The following PPP1R9A variants were observed in gnomAD, a reference collection of about 807,000 sequenced individuals.
PPP1R9A encodes the protein protein phosphatase 1 regulatory subunit 9A.
In PPP1R9A, 59 loss-of-function variants were observed where a neutral mutation model predicts 141.9. That is an observed-to-expected ratio of 0.42 (90% CI 0.34 to 0.52). The LOEUF (loss-of-function observed/expected upper bound fraction) is 0.52, where lower values mean the gene tolerates loss of function less well. PPP1R9A is among the 20% of genes least tolerant of loss of function. PPP1R9A has a pLI of 0.10. For synonymous variants in PPP1R9A, 500 were observed against 569.7 expected (o/e 0.88, Z 1.74); for missense variants, 1,444 against 1,611.9 (o/e 0.90, Z 1.78).
At chr7:95,272,896 A>G (rs1802431263) in intron 14 of PPP1R9A, among the ~76,000 whole-genome samples, 1 of 152,224 alleles carries the variant, frequency 6.6e-6, no homozygotes. Context: ...GATACCAAAA[A>G]AGAACTGGGG....
intron 2 of PPP1R9A, among the ~76,000 whole-genome samples, chr7:94,991,715 G>A (rs1025250790): frequency 1.3e-5 from 2 of 152,048 alleles, no homozygotes; most frequent in Admixed American, 6.5e-5. Flanking sequence ...GCAGTGGCGT[G>A]GTCATGGCTC....
intron 4 of PPP1R9A, among the ~76,000 whole-genome samples, chr7:95,149,013 A>ATC (rs1828160116): frequency 6.6e-6 from 1 of 150,472 alleles, no homozygotes; most frequent in African/African-American, 2.4e-5. Context: ...ATATTAACAA[A>ATC]TCGAGTCCAA....
In PPP1R9A at chr7:95,284,465, A is replaced by T; in HGVS notation, c.3609+135A>T. 7 of 897,426 alleles carry T rather than the reference A, an allele frequency of 7.8e-6. No homozygotes were observed. The South Asian group carries it at 1.3e-4, about 17-fold the overall frequency. The allele number at this position is 897,426 out of a possible 1,614,324, so 55.6% of individuals were successfully genotyped here. A position where few individuals can be genotyped will look rare whatever the true frequency, so the allele number is the denominator to read the frequency against. On this transcript the variant is annotated intron_variant, in intron 17 of 19. Transcript: ENST00000433360. ...CTTTGATTTGCCTATCTTTTCACAT[A>T]TTGCTATTTAATCTCAGTTTGACAG...
chr7:95,194,226 A>T (rs1461428898), intron 5 of PPP1R9A, among the ~76,000 whole-genome samples: 1 of 152,062 alleles, frequency 6.6e-6, no homozygotes, highest in African/African-American at 2.4e-5. Flanking sequence ...ACATTTAAAA[A>T]TTTACCAAAA....
At chr7:94,918,544 T>A (rs1792371980) in intron 2 of PPP1R9A, among the ~76,000 whole-genome samples, 1 of 152,076 alleles carries the variant, frequency 6.6e-6, no homozygotes, top group African/African-American at 2.4e-5. Context: ...ATTCAGTGGT[T>A]TTTAGTATAT....
At chr7:95,051,438 T>C (rs1472416682) in intron 2 of PPP1R9A, among the ~76,000 whole-genome samples, 1 of 152,188 alleles carries the variant, frequency 6.6e-6, no homozygotes, top group Non-Finnish European at 1.5e-5. Context: ...GTTCTTCTCC[T>C]TCAGTATTGT....
chr7:95,085,710 C>T (rs1816535334), intron 2 of PPP1R9A, among the ~76,000 whole-genome samples: 1 of 151,968 alleles, frequency 6.6e-6, no homozygotes, highest in African/African-American at 2.4e-5. Context: ...CCACTGCACC[C>T]AGCCCAAAAA....
At chr7:95,045,570 C>G (rs531442374) in intron 2 of PPP1R9A, among the ~76,000 whole-genome samples, 1 of 152,204 alleles carries the variant, frequency 6.6e-6, no homozygotes, top group Non-Finnish European at 1.5e-5. Context: ...TGCACATGCC[C>G]AAGCCTACTT....
At chr7:95,216,247 G>C (rs369799997) in intron 7 of PPP1R9A, among the ~76,000 whole-genome samples, 2 of 152,072 alleles carry the variant, frequency 1.3e-5, no homozygotes, top group Non-Finnish European at 2.9e-5. Context: ...GCTTGTTTTT[G>C]TCAGGTTTAT....
At chr7:95,072,844 TATATAATATAAGTTATATA>T (rs1814147310) in intron 2 of PPP1R9A, among the ~76,000 whole-genome samples, 1 of 52,266 alleles carries the variant, frequency 1.9e-5, no homozygotes, top group South Asian at 3.8e-4. Flanking sequence ...ATAATTATTA[TATATAATATAAGTTATATA>T]ATATAATATA....
intron 10 of PPP1R9A, among the ~76,000 whole-genome samples, chr7:95,251,058 G>T (rs1254969441): frequency 6.6e-6 from 1 of 152,030 alleles, no homozygotes; most frequent in East Asian, 1.9e-4. Flanking sequence ...CCTATTATGT[G>T]GAAGAATGTT....
At chr7:95,094,539 G>C (rs1817766731) in intron 2 of PPP1R9A, among the ~76,000 whole-genome samples, 1 of 152,074 alleles carries the variant, frequency 6.6e-6, no homozygotes, top group Non-Finnish European at 1.5e-5. Context: ...AGGAATCTTA[G>C]TGTGCAGAGG....
chr7:95,162,691 A>G (rs939183979), intron 5 of PPP1R9A, among the ~76,000 whole-genome samples: 1 of 152,218 alleles, frequency 6.6e-6, no homozygotes, highest in Non-Finnish European at 1.5e-5. Context: ...TAGTATGTGT[A>G]ATGATGAAAA....
intron 8 of PPP1R9A, among the ~76,000 whole-genome samples, chr7:95,245,233 T>G (rs1418280968): frequency 1.3e-5 from 2 of 152,194 alleles, no homozygotes; most frequent in Non-Finnish European, 2.9e-5. Context: ...GTTATTAGTT[T>G]ATACTGGTGG....
At chr7:95,028,966 A>C (rs1223761972) in intron 2 of PPP1R9A, among the ~76,000 whole-genome samples, 1 of 152,166 alleles carries the variant, frequency 6.6e-6, no homozygotes, top group African/African-American at 2.4e-5. Context: ...CTCAGAAGAA[A>C]TTCTCAGAAG....
At chr7:95,053,281 A>C (rs1811058905) in intron 2 of PPP1R9A, among the ~76,000 whole-genome samples, 1 of 152,212 alleles carries the variant, frequency 6.6e-6, no homozygotes, top group Non-Finnish European at 1.5e-5. Flanking sequence ...GAAATGGGTT[A>C]TGGCTTTCAT....
chr7:95,287,587 G>C (rs1054911971), intron 18 of PPP1R9A, among the ~76,000 whole-genome samples: 1 of 152,154 alleles, frequency 6.6e-6, no homozygotes, highest in East Asian at 1.9e-4. Context: ...AGTGGACAGA[G>C]CCAGAAATTT....
rs1489501266 is a variant in PPP1R9A at position 95,252,145 on chromosome 7, AC to A, written c.2665+17del. 1.3e-6 allele frequency: 2 copies of A among 1,545,464 alleles called. No individual in the cohort carries two copies. Among genetic ancestry groups the A allele is most frequent in the Admixed American group, 4.5e-5 (2 of 44,766 alleles). Reference sequence around the variant, plus strand: ...CCTAAGTCAAGGTTTGTTTAACCCAACCACAAAAATCATTTTTGATGACTGT... The same window carrying A: ...CCTAAGTCAAGGTTTGTTTAACCCAACACAAAAATCATTTTTGATGACTGT... On this transcript the variant is annotated intron_variant, in intron 12 of 19. Coordinates refer to ENST00000433360, the MANE Select transcript of PPP1R9A (RefSeq NM_001166160.2).
At chr7:95,282,717 TC>T (rs1804510828) in intron 16 of PPP1R9A, among the ~76,000 whole-genome samples, 1 of 152,096 alleles carries the variant, frequency 6.6e-6, no homozygotes, top group African/African-American at 2.4e-5. Context: ...GACATCTGGT[TC>T]CCCCAGCATG....
Sources: gnomAD v4.1 joint callset for allele counts (sites outside exome capture counted in the v4.1 genomes callset) on GRCh38, gnomAD v4.1.1 for gene constraint, MANE v1.5 for transcripts, NCBI Gene and HGNC (gene_info 2026-07-23, HGNC 2026-07-21) for gene names.